Variants in MORC2 observed in about 807,000 individuals in gnomAD.
MORC2 encodes MORC family CW-type zinc finger 2, also known as ATPase MORC2.
MORC2 carries 30 observed loss-of-function variants against 136.0 expected under a neutral mutation model. That is an observed-to-expected ratio of 0.22 (90% CI 0.17 to 0.30). The LOEUF (loss-of-function observed/expected upper bound fraction) is 0.30, where lower values mean the gene tolerates loss of function less well. Among genes scored for constraint, MORC2 ranks in the 10% least tolerant of loss-of-function variants. MORC2 has a pLI of 1.00. For synonymous variants in MORC2, 439 were observed against 487.0 expected, an observed-to-expected ratio of 0.90 and a Z score of 1.30; for missense variants, 922 against 1,333.1, an observed-to-expected ratio of 0.69 and a Z score of 4.80.
Position 30,933,470 on chromosome 22 carries a change from C to T in MORC2, c.2376G>A (p.Gln792=), listed in dbSNP as rs967298362. ...CAAGTCACTCCCCCAGCTCACCTTT[C>T]TGAGCTCTCTTGAGGTCAGCCGAGT... ...EEDSADLKRA[Q]KDKGLHVEVR... The change falls in exon 21 of 26, where the codon CAG becomes CAA. Residue 792 remains glutamine (Q), a synonymous_variant. Coordinates refer to ENST00000397641, the MANE Select transcript of MORC2 (RefSeq NM_001303256.3). 2.5e-6 allele frequency: 4 copies of T among 1,613,802 alleles called. No homozygotes were observed. The Admixed American group carries it at 6.7e-5, about 27-fold the overall frequency.
At chr22:30,929,126 C>T (rs568218936) in intron 24 of MORC2, among the ~76,000 whole-genome samples, 9 of 152,256 alleles carry the variant, frequency 5.9e-5, no homozygotes, top group Admixed American at 5.2e-4. Context: ...CCTACTAAAC[C>T]AAGATAGCAA....
chr22:30,936,404 T>G, intron 17 of MORC2, 107 bp downstream of exon 17: 1 of 1,474,230 alleles, frequency 6.8e-7, no homozygotes, highest in East Asian at 2.3e-5. Context: ...CGCGGGTGAG[T>G]GGAGGGTAAA....
At chr22:30,938,335 G>C in intron 12 of MORC2, 130 bp from the exon 13 acceptor site, 1 of 1,037,098 alleles carries the variant, frequency 9.6e-7, no homozygotes, top group Non-Finnish European at 1.4e-6. Context: ...TATTTGATGT[G>C]TAACCTGTTA....
intron 24 of MORC2, among the ~76,000 whole-genome samples, chr22:30,929,604 C>G (rs1391035644): frequency 1.3e-5 from 2 of 152,018 alleles, no homozygotes; most frequent in Non-Finnish European, 2.9e-5. Context: ...AAAAATTAGC[C>G]AGGCGTGGTG....
intron 3 of MORC2, 149 bp from the exon 4 acceptor site, chr22:30,950,594 G>T: frequency 2.8e-6 from 2 of 704,872 alleles, no homozygotes; most frequent in Non-Finnish European, 4.7e-6. Context: ...TAAACTTCAG[G>T]GTCCTTGAGG....
At chr22:30,965,639 C>G (rs1435649355) in intron 1 of MORC2, among the ~76,000 whole-genome samples, 1 of 152,170 alleles carries the variant, frequency 6.6e-6, no homozygotes, top group Non-Finnish European at 1.5e-5. Context: ...GCAGGTGGTT[C>G]CAGTTCAACA....
At position 30,938,222 on chromosome 22, in the gene MORC2, ACT is replaced by A; in HGVS notation, c.1074-19_1074-18del. On this transcript the variant is annotated intron_variant, in intron 12 of 25. Transcript: ENST00000397641. ...TTAAGTGCTCTAAGAAGACAAAAAA[ACT>A]CAAGCAGATCTACACATCGGCACAC... The A allele has an allele frequency of 7.2e-7, 1 of 1,391,760 alleles. No individual in the cohort carries two copies. Among genetic ancestry groups the A allele is most frequent in the Non-Finnish European group, 9.4e-7 (1 of 1,058,800 alleles). The allele number at this position is 1,391,760 out of a possible 1,614,324, so 86.2% of individuals were successfully genotyped here. A position where few individuals can be genotyped will look rare whatever the true frequency, so the allele number is the denominator to read the frequency against.
Position 30,941,817 on chromosome 22 carries a change from TCTTTCCCTGAAGC to T in MORC2, c.698+61_698+73del. On this transcript the variant is annotated intron_variant, in intron 8 of 25. Transcript: ENST00000397641. This position sits in a 1 kb window ranked among gnomAD's most constrained non-coding sequence, Gnocchi z 4.6. Reference sequence around the variant, plus strand: ...ACTGGGCAATGAATGTGCTCTCCCCTCTTTCCCTGAAGCCATCTCCTGAGAGCACAAACGCCAG... The same window carrying T: ...ACTGGGCAATGAATGTGCTCTCCCCTCATCTCCTGAGAGCACAAACGCCAG... The T allele has an allele frequency of 1.5e-6, 2 of 1,348,032 alleles. No homozygotes were observed. Among genetic ancestry groups the T allele is most frequent in the Non-Finnish European group, 2.1e-6 (2 of 947,962 alleles). The allele number at this position is 1,348,032 out of a possible 1,614,324, so 83.5% of individuals were successfully genotyped here.
rs201087014 is a variant in MORC2, at chr22:30,932,338, C to G, written c.2841+21G>C. 74 of 1,577,576 alleles carry G rather than the reference C, an allele frequency of 4.7e-5. No homozygotes were observed. Among genetic ancestry groups the G allele is most frequent in the Non-Finnish European group, 6.3e-5 (73 of 1,150,168 alleles). On this transcript the variant is annotated intron_variant, in intron 24 of 25. Transcript: ENST00000397641. This position sits in a 1 kb window ranked among gnomAD's most constrained non-coding sequence, Gnocchi z 4.4. ...GGTGGGGGAATGAAGAGTGTGGAAT[C>G]GAAGGTCAGGCCAGACTCACCAGAG...
intron 5 of MORC2, among the ~76,000 whole-genome samples, chr22:30,947,551 A>C (rs1221112501): frequency 6.6e-6 from 1 of 152,170 alleles, no homozygotes; most frequent in East Asian, 1.9e-4. Context: ...CCAAGCACAC[A>C]AATGAATGTC....
In MORC2 at chr22:30,940,746, G is replaced by A; in HGVS notation, c.904+12C>T. ...CACACCCCCCCAACTCCTGCACCCA[G>A]AGTGGCATTACCAATCCTTGCTACG... On this transcript the variant is annotated intron_variant, in intron 10 of 25. Coordinates refer to ENST00000397641, the MANE Select transcript of MORC2 (RefSeq NM_001303256.3). The A allele has an allele frequency of 6.2e-7, 1 of 1,613,122 alleles. No individual in the cohort carries two copies.
Position 30,938,260 on chromosome 22 carries a change from G to A in MORC2, c.1074-55C>T. On this transcript the variant is annotated intron_variant, in intron 12 of 25. Coordinates refer to ENST00000397641, the MANE Select transcript of MORC2 (RefSeq NM_001303256.3). Reference sequence around the variant, plus strand: ...TACACATCGGCACACAAGCACCATAGTGTTTAAGATGTGTTAAGCTTAAGC... The same window carrying A: ...TACACATCGGCACACAAGCACCATAATGTTTAAGATGTGTTAAGCTTAAGC... 6 of 1,599,720 alleles carry A rather than the reference G, an allele frequency of 3.8e-6. No homozygotes were observed. The South Asian group carries it at 6.7e-5, about 18-fold the overall frequency.
chr22:30,949,045 G>GT (rs1317448754), intron 5 of MORC2, among the ~76,000 whole-genome samples: 1 of 152,134 alleles, frequency 6.6e-6, no homozygotes, highest in Non-Finnish European at 1.5e-5. Flanking sequence ...GACTGGAAAC[G>GT]TGACTCACAA....
chr22:30,941,948 A>G lies in MORC2; in HGVS notation c.641T>C (p.Leu214Pro). The G allele has an allele frequency of 6.2e-7, 1 of 1,613,972 alleles. No individual in the cohort carries two copies. Among genetic ancestry groups the G allele is most frequent in the Non-Finnish European group, 8.5e-7 (1 of 1,179,880 alleles). ...LKLMDNGEPE[L>P]DIISNPRDIQ... ...ATCTCTTGGATTTGAGATTATGTCTAGTTCTGGCTCTCCATTATCCATGAG... is the reference window on the plus strand; with the variant it reads ...ATCTCTTGGATTTGAGATTATGTCTGGTTCTGGCTCTCCATTATCCATGAG... The change falls in exon 8 of 26, where the codon CTA becomes CCA. Residue 214 changes from leucine (L) to proline (P), a missense_variant. Leu to Pro is a moderately conservative substitution (Grantham distance 98, BLOSUM62 -3). Transcript: ENST00000397641. The surrounding 1 kb of genome is among the most constrained non-coding windows in gnomAD (Gnocchi z 4.6).
In MORC2 at chr22:30,932,969, G is replaced by A. The variant is rs757728179; in HGVS notation, c.2442C>T (p.Ala814=). 6.8e-6 allele frequency: 11 copies of A among 1,614,002 alleles called. No individual in the cohort carries two copies. The highest frequency in any genetic ancestry group is 3.3e-5 in the Admixed American group (2 of 60,000). ...NREWYTGRVT[A]VEVGKHVVRW... Reference sequence around the variant, plus strand: ...GCACCACATGCTTGCCCACCTCCACGGCTGTGACACGGCCCGTGTACCACT... The same window carrying A: ...GCACCACATGCTTGCCCACCTCCACAGCTGTGACACGGCCCGTGTACCACT... The change falls in exon 22 of 26, where the codon GCC becomes GCT. Residue 814 remains alanine (A), a synonymous_variant. Transcript: ENST00000397641. This position sits in a 1 kb window ranked among gnomAD's most constrained non-coding sequence, Gnocchi z 4.4.
At chr22:30,953,413 G>C (rs939713907) in intron 3 of MORC2, among the ~76,000 whole-genome samples, 1 of 152,224 alleles carries the variant, frequency 6.6e-6, no homozygotes, top group Non-Finnish European at 1.5e-5. Flanking sequence ...GAATGGCCAA[G>C]TCTGGCTTCT....
chr22:30,962,217 A>G lies in MORC2; in HGVS notation c.69-3523T>C, dbSNP rs538822780. On this transcript the variant is annotated intron_variant, in intron 1 of 25. Coordinates refer to ENST00000397641, the MANE Select transcript of MORC2 (RefSeq NM_001303256.3). ...AGCAAAACTCCACCTCAAAAAAAAA[A>G]AAAGAAAGAAAGAAAGAAAGAAATG... Among the ~76,000 whole-genome samples, 15 of 151,760 alleles carry G rather than the reference A, an allele frequency of 9.9e-5. No individual in the cohort carries two copies. The South Asian group carries it at 1.0e-3, about 10-fold the overall frequency.
At chr22:30,949,659 G>A (rs1002742838) in intron 5 of MORC2, 93 bp downstream of exon 5, 1 of 1,063,294 alleles carries the variant, frequency 9.4e-7, no homozygotes, top group Non-Finnish European at 1.4e-6. Context: ...AGTCAATAGA[G>A]GGACAAGGAG....
At chr22:30,935,708 G>C (rs1340760593) in intron 17 of MORC2, among the ~76,000 whole-genome samples, 2 of 152,128 alleles carry the variant, frequency 1.3e-5, no homozygotes, top group African/African-American at 2.4e-5. Context: ...CATCTGCACA[G>C]ACACAGAAGC....
Sources: allele counts gnomAD v4.1 joint callset (sites outside exome capture counted in the v4.1 genomes callset), GRCh38; gene constraint gnomAD v4.1.1; non-coding constraint Gnocchi (gnomAD v3.1); transcripts MANE v1.5; gene names NCBI Gene and HGNC (gene_info 2026-07-23, HGNC 2026-07-21).